The following CTNNA3 variants were observed in gnomAD, a reference collection of about 807,000 sequenced individuals.
The protein encoded by CTNNA3 is catenin alpha-3.
CTNNA3 carries 76 observed loss-of-function variants against 95.7 expected under a neutral mutation model. The ratio of observed to expected loss-of-function variants is 0.79; its 90% CI spans 0.66 to 0.96. The LOEUF (loss-of-function observed/expected upper bound fraction) is 0.96. CTNNA3 is among the 40% of genes least tolerant of loss of function. The probability of loss-of-function intolerance (pLI) is 0.00; values close to 1 mark genes in which losing one functional copy is unlikely to be tolerated. For synonymous variants in CTNNA3, 431 were observed against 374.4 expected, an observed-to-expected ratio of 1.15 and a Z score of -1.74; for missense variants, 1,191 against 1,089.8, an observed-to-expected ratio of 1.09 and a Z score of -1.31.
intron 13 of CTNNA3, among the ~76,000 whole-genome samples, chr10:66,257,779 T>C: frequency 6.6e-6 from 1 of 152,190 alleles, no homozygotes; most frequent in East Asian, 1.9e-4. Flanking sequence ...ATTTTAGCTG[T>C]AAAGGAATCA....
At chr10:67,726,603 T>A (rs1047832667) in intron 1 of CTNNA3, among the ~76,000 whole-genome samples, 3 of 29,290 alleles carry the variant, frequency 1.0e-4, no homozygotes, top group African/African-American at 4.3e-4. Context: ...TTATATTACA[T>A]ATTATATAAT....
chr10:66,343,371 A>G (rs940497828), intron 12 of CTNNA3, among the ~76,000 whole-genome samples: 1 of 152,180 alleles, frequency 6.6e-6, no homozygotes, highest in Admixed American at 6.5e-5. Context: ...TGACACATAT[A>G]CACAATGGAA....
chr10:67,700,729 C>A (rs113892063), upstream of CTNNA3, among the ~76,000 whole-genome samples: 18,945 of 152,150 alleles, frequency 0.12, 1,757 homozygotes, highest in African/African-American at 0.27. Context: ...CTCTCCTCCT[C>A]CAAAGGAACG....
At chr10:66,040,318 C>T (rs1008780340) in intron 15 of CTNNA3, among the ~76,000 whole-genome samples, 2 of 152,000 alleles carry the variant, frequency 1.3e-5, no homozygotes, top group Admixed American at 6.6e-5. Context: ...AGCAGTGTGA[C>T]AATTCCTCAA....
In CTNNA3 at chr10:67,647,146, TTATA is replaced by T. The variant is rs67324505; in HGVS notation, c.99+265_99+268del. 0.06 allele frequency among the ~76,000 whole-genome samples: 8,201 copies of T among 136,262 alleles called. 283 individuals are homozygous for T. Among genetic ancestry groups the T allele is most frequent in the African/African-American group, 0.087 (3,359 of 38,812 alleles). The allele number at this position is 136,262 out of a possible 152,430, so 89.4% of individuals were successfully genotyped here. A position where few individuals can be genotyped will look rare whatever the true frequency, so the allele number is the denominator to read the frequency against. On this transcript the variant is annotated intron_variant, in intron 2 of 17. Transcript: ENST00000433211. ...AATTTATATAAAGGTACTCTGAAAA[TTATA>T]TATATATATATATATATATATATAT...
At chr10:66,967,729 A>G (rs1160875332) in intron 7 of CTNNA3, among the ~76,000 whole-genome samples, 2 of 152,128 alleles carry the variant, frequency 1.3e-5, no homozygotes, top group Non-Finnish European at 2.9e-5. Flanking sequence ...TGAGGTGTGA[A>G]ACATAAAGAT....
intron 12 of CTNNA3, among the ~76,000 whole-genome samples, chr10:66,289,083 T>A (rs961694166): frequency 6.6e-6 from 1 of 152,034 alleles, no homozygotes; most frequent in Admixed American, 6.6e-5. Context: ...ATTGTACTAA[T>A]TGCAATATAT....
intron 3 of CTNNA3, among the ~76,000 whole-genome samples, chr10:67,556,534 A>G (rs1841262427): frequency 6.6e-6 from 1 of 151,316 alleles, no homozygotes; most frequent in African/African-American, 2.4e-5. Flanking sequence ...TTTCTAGTTT[A>G]TTTGCTTAGA....
At chr10:67,181,533 T>C (rs997323223) in intron 6 of CTNNA3, among the ~76,000 whole-genome samples, 9 of 151,792 alleles carry the variant, frequency 5.9e-5, no homozygotes, top group Non-Finnish European at 1.0e-4. Flanking sequence ...AGTGTGAAAT[T>C]CTGAGTGTGA....
intron 9 of CTNNA3, among the ~76,000 whole-genome samples, chr10:66,666,471 T>TA (rs1408315276): frequency 1.3e-5 from 2 of 152,274 alleles, no homozygotes; most frequent in East Asian, 3.9e-4. Context: ...AAGCAACTGT[T>TA]AAAAAATTGA....
intron 1 of CTNNA3, among the ~76,000 whole-genome samples, chr10:67,710,312 G>A (rs1413441925): frequency 1.3e-5 from 2 of 152,126 alleles, no homozygotes; most frequent in Non-Finnish European, 2.9e-5. Context: ...TATAGCAATT[G>A]CCTGGACAAG....
intron 11 of CTNNA3, among the ~76,000 whole-genome samples, chr10:66,461,181 T>A (rs61867238): frequency 0.17 from 26,102 of 151,986 alleles, 2,956 homozygotes; most frequent in South Asian, 0.3. Flanking sequence ...ATGTGCGCAT[T>A]TCCCCAGGAA....
intron 10 of CTNNA3, among the ~76,000 whole-genome samples, chr10:66,603,750 G>A (rs974388378): frequency 6.6e-6 from 1 of 152,070 alleles, no homozygotes; most frequent in African/African-American, 2.4e-5. Context: ...CAATGGAACA[G>A]AATAGAGAAT....
intron 5 of CTNNA3, among the ~76,000 whole-genome samples, chr10:67,493,432 C>G (rs1330266924): frequency 6.6e-6 from 1 of 151,682 alleles, no homozygotes; most frequent in Non-Finnish European, 1.5e-5. Flanking sequence ...CGTGGTGGCA[C>G]GCACCTGTAG....
At chr10:66,909,814 T>C (rs960232375) in intron 7 of CTNNA3, among the ~76,000 whole-genome samples, 6 of 152,138 alleles carry the variant, frequency 3.9e-5, no homozygotes, top group African/African-American at 1.4e-4. Context: ...CAGAGAACCA[T>C]AATTATGATA....
At position 66,059,346 on chromosome 10, in the gene CTNNA3, G is replaced by A. The variant is rs562953350; in HGVS notation, c.2159+9962C>T. Among the ~76,000 whole-genome samples the A allele has an allele frequency of 2.3e-4, 35 of 152,112 alleles. 1 individual carries two copies. Among genetic ancestry groups the A allele is most frequent in the Admixed American group, 1.4e-3 (22 of 15,252 alleles). On this transcript the variant is annotated intron_variant, in intron 15 of 17. Coordinates refer to ENST00000433211, the MANE Select transcript of CTNNA3 (RefSeq NM_013266.4). ...CAGCTGGATAATGAAGGTCCTTTCC[G>A]TTCTTTTATTGTCTGTTCAACAAAC...
chr10:67,242,887 C>A lies in CTNNA3; in HGVS notation c.580-23017G>T, dbSNP rs528494656. ...AGGAGATTTCAGGCAGAATAATTAA[C>A]CTCACTTCAGCTACAAAATGTGAAC... On this transcript the variant is annotated intron_variant, in intron 5 of 17. Coordinates refer to ENST00000433211, the MANE Select transcript of CTNNA3 (RefSeq NM_013266.4). Among the ~76,000 whole-genome samples the A allele has an allele frequency of 1.3e-5, 2 of 152,280 alleles. 1 individual carries two copies. Among genetic ancestry groups the A allele is most frequent in the South Asian group, 4.1e-4 (2 of 4,824 alleles).
At chr10:66,597,521 T>TATATATATATATATATATAC (rs1843754332) in intron 10 of CTNNA3, among the ~76,000 whole-genome samples, 1 of 88,180 alleles carries the variant, frequency 1.1e-5, no homozygotes, top group African/African-American at 4.5e-5. Flanking sequence ...CATATATATA[T>TATATATATATATATATATAC]ATATATATAT....
chr10:67,154,965 C>A (rs1399967862), intron 7 of CTNNA3, among the ~76,000 whole-genome samples: 1 of 152,146 alleles, frequency 6.6e-6, no homozygotes, highest in Non-Finnish European at 1.5e-5. Flanking sequence ...TCCTTTTGGC[C>A]TCTAACATAG....
Sources: allele counts gnomAD v4.1 joint callset (sites outside exome capture counted in the v4.1 genomes callset), GRCh38; gene constraint gnomAD v4.1.1; transcripts MANE v1.5; gene names NCBI Gene and HGNC (gene_info 2026-07-23, HGNC 2026-07-21).